The following RASSF4 variants were observed in gnomAD, a reference collection of about 807,000 sequenced individuals.
RASSF4 encodes the protein Ras association domain family member 4.
A neutral mutation model predicts 41.1 loss-of-function variants in RASSF4; 38 were observed. That is an observed-to-expected ratio of 0.92 (90% CI 0.71 to 1.21). The LOEUF (loss-of-function observed/expected upper bound fraction) is 1.21. Ranked by LOEUF, RASSF4 falls within the 50% of genes most tolerant of loss-of-function variation. The pLI is 0.00. For missense variants in RASSF4, 414 were observed against 419.4 expected (o/e 0.99, Z 0.11); for synonymous variants, 179 against 163.4 (o/e 1.10, Z -0.73).
At chr10:44,977,535 G>T (rs1470147735) in intron 3 of RASSF4, 2 of 1,613,490 alleles carry the variant, frequency 1.2e-6, no homozygotes. Flanking sequence ...CCATCCTGCG[G>T]TGGTCTTGCC....
chr10:44,984,345 G>T, intron 5 of RASSF4: 1 of 571,706 alleles, frequency 1.7e-6, no homozygotes, highest in Non-Finnish European at 3.1e-6. Flanking sequence ...CAGTGTGGGG[G>T]TGGCCTGAGT....
intron 4 of RASSF4, 113 bp downstream of exon 4, chr10:44,982,776 G>C: frequency 1.6e-6 from 2 of 1,214,614 alleles, no homozygotes; most frequent in Non-Finnish European, 1.2e-6. Flanking sequence ...GCACAGGAGG[G>C]TGACCCAGCC....
chr10:44,963,619 C>A (rs1391439668), intron 1 of RASSF4, among the ~76,000 whole-genome samples: 1 of 152,222 alleles, frequency 6.6e-6, no homozygotes, highest in Non-Finnish European at 1.5e-5. Flanking sequence ...CCAGCGGGAG[C>A]AGCTCAGGCT....
chr10:44,961,953 A>C (rs550166847), intron 1 of RASSF4, among the ~76,000 whole-genome samples: 1 of 152,258 alleles, frequency 6.6e-6, no homozygotes, highest in African/African-American at 2.4e-5. Context: ...AGAAACTTGT[A>C]GTTCCCGGGG....
intron 2 of RASSF4, chr10:44,971,371 G>A: frequency 2.5e-6 from 1 of 396,644 alleles, no homozygotes; most frequent in Middle Eastern, 3.6e-4. Flanking sequence ...AGGCCTTGTA[G>A]GAAGTGATAT....
At chr10:44,988,831 G>C (rs1330799796) in intron 6 of RASSF4, among the ~76,000 whole-genome samples, 1 of 152,212 alleles carries the variant, frequency 6.6e-6, no homozygotes, top group African/African-American at 2.4e-5. Flanking sequence ...GACCAGAAGG[G>C]AACAAGCTGG....
intron 9 of RASSF4, chr10:44,991,330 AGTCT>A (rs1298378997): frequency 3.8e-5 from 14 of 365,154 alleles, no homozygotes; most frequent in Non-Finnish European, 5.4e-5. Context: ...AGGGAAGTAA[AGTCT>A]TTTCCTTCAT....
Position 44,982,622 on chromosome 10 carries a change from C to G in RASSF4, c.240C>G (p.Leu80=). 1 of 1,613,434 alleles carries G rather than the reference C, an allele frequency of 6.2e-7. No individual in the cohort carries two copies. The highest frequency in any genetic ancestry group is 1.1e-5 in the South Asian group (1 of 91,036). ...AGGATGACCGGGAGCAGGTGCACCT[C>G]CCCTCCACCTCATGGATGCCCAGAC... ...QMQDDREQVH[L]PSTSWMPRRP... The change falls in exon 4 of 11, where the codon CTC becomes CTG. Residue 80 remains leucine, a synonymous_variant. Transcript: ENST00000340258.
chr10:44,977,561 A>T, intron 3 of RASSF4: 1 of 1,613,504 alleles, frequency 6.2e-7, no homozygotes, highest in Non-Finnish European at 8.5e-7. Flanking sequence ...ATGCCCAGGC[A>T]TCCTGGCTTC....
At chr10:44,983,332 A>G in intron 4 of RASSF4, 1 of 216,100 alleles carries the variant, frequency 4.6e-6, no homozygotes, top group Non-Finnish European at 9.4e-6. Context: ...GCCCCAGCAC[A>G]TACCTAGGTG....
rs199878874 is a variant in RASSF4 at position 44,977,411 on chromosome 10, G to A, written c.139-5110G>A. The A allele has an allele frequency of 4.0e-5, 64 of 1,590,668 alleles. No individual in the cohort carries two copies. In the East Asian group the frequency reaches 1.2e-3, roughly 30 times the overall value. On this transcript the variant is annotated intron_variant, in intron 3 of 10. Transcript: ENST00000340258. ...GAGGGGTCAGAGTTCATGGATCACC[G>A]GGAGGTGCGAGTAGAGTGTTCTGAG... is the stretch of plus-strand genomic sequence containing the variant.
chr10:44,984,362 C>T (rs77978898), intron 5 of RASSF4: 1 of 548,108 alleles, frequency 1.8e-6, no homozygotes, highest in South Asian at 2.4e-5. Flanking sequence ...GAGTCCCCCG[C>T]CCTGTGTGTG....
chr10:44,989,435 G>A (rs1842031669), intron 7 of RASSF4, 60 bp downstream of exon 7: 2 of 1,293,050 alleles, frequency 1.5e-6, no homozygotes, highest in Non-Finnish European at 1.1e-6. Context: ...TTCTGTTGGG[G>A]GTGGGGTTCT....
In RASSF4 at chr10:44,977,923, G is replaced by A. The variant is rs930752202; in HGVS notation, c.139-4598G>A. 7 of 1,612,578 alleles carry A rather than the reference G, an allele frequency of 4.3e-6. No individual in the cohort carries two copies. In the African/African-American group the frequency reaches 8.0e-5, roughly 18 times the overall value. On this transcript the variant is annotated intron_variant, in intron 3 of 10. Transcript: ENST00000340258. ...ATATAGACCTCACGTAGTCATCCAG[G>A]CTAGGAGAGGGTGGGGGCTCCTGTC... is the stretch of plus-strand genomic sequence containing the variant.
At chr10:44,989,873 T>G in intron 8 of RASSF4, 152 bp downstream of exon 8, 1 of 706,766 alleles carries the variant, frequency 1.4e-6, no homozygotes, top group Non-Finnish European at 2.6e-6. Context: ...CCTCCCAGCA[T>G]GAACATTTCT....
chr10:44,965,073 C>G (rs1840851203), intron 1 of RASSF4, among the ~76,000 whole-genome samples: 1 of 152,204 alleles, frequency 6.6e-6, no homozygotes. Flanking sequence ...CTAAAAATCA[C>G]AGACATGAGG....
At chr10:44,989,799 C>T in intron 8 of RASSF4, 78 bp downstream of exon 8, 3 of 1,248,384 alleles carry the variant, frequency 2.4e-6, no homozygotes, top group Non-Finnish European at 3.5e-6. Flanking sequence ...CCACCAACCA[C>T]TGACTGTACT....
At chr10:44,981,453 G>A (rs1841705155) in intron 3 of RASSF4, 1 of 152,188 alleles carries the variant, frequency 6.6e-6, no homozygotes, top group Non-Finnish European at 1.5e-5. Flanking sequence ...TGAACAGTTT[G>A]TTTAGAGGGT....
intron 3 of RASSF4, among the ~76,000 whole-genome samples, chr10:44,973,889 T>C (rs2132774561): frequency 6.6e-6 from 1 of 152,324 alleles, no homozygotes. Flanking sequence ...TGATAGAAAG[T>C]TAACCCACTA....
Sources: allele counts gnomAD v4.1 joint callset (sites outside exome capture counted in the v4.1 genomes callset), GRCh38; gene constraint gnomAD v4.1.1; transcripts MANE v1.5; gene names NCBI Gene and HGNC (gene_info 2026-07-23, HGNC 2026-07-21).